Variants in SGCD observed in about 807,000 individuals in gnomAD.
SGCD encodes the protein sarcoglycan delta, also known as delta-sarcoglycan.
Under a neutral mutation model 36.6 loss-of-function variants are expected in SGCD, and 18 were observed. That is an observed-to-expected ratio of 0.49 (90% CI 0.34 to 0.73). The LOEUF is 0.73. SGCD is among the 30% of genes least tolerant of loss of function. The pLI is 0.01. For missense variants in SGCD, 387 were observed against 346.7 expected (o/e 1.12, Z -0.92); for synonymous variants, 133 against 130.6 (o/e 1.02, Z -0.12).
chr5:156,189,084 C>T (rs577634773), intron 3 of SGCD, among the ~76,000 whole-genome samples: 55 of 152,256 alleles, frequency 3.6e-4, no homozygotes, highest in African/African-American at 1.3e-3. Context: ...GGGAAGCTTT[C>T]GCTTGACTCT....
At chr5:156,636,584 G>A (rs1185169458) in intron 6 of SGCD, among the ~76,000 whole-genome samples, 1 of 152,184 alleles carries the variant, frequency 6.6e-6, no homozygotes, top group Non-Finnish European at 1.5e-5. Context: ...GCTTCATGAT[G>A]GAAGTGGCAT....
chr5:155,983,914 C>T (rs925585946), intron 1 of SGCD, among the ~76,000 whole-genome samples: 8 of 152,130 alleles, frequency 5.3e-5, no homozygotes, highest in Non-Finnish European at 1.2e-4. Flanking sequence ...TCCCCCTAAT[C>T]TTGTCCATGG....
chr5:156,738,098 A>G (rs1363832664), intron 7 of SGCD, among the ~76,000 whole-genome samples: 1 of 152,260 alleles, frequency 6.6e-6, no homozygotes, highest in African/African-American at 2.4e-5. Context: ...AGTTAGTTGC[A>G]TGGGTCATTA....
chr5:156,742,503 C>CT (rs5872483), intron 7 of SGCD, among the ~76,000 whole-genome samples: 51,486 of 151,954 alleles, frequency 0.34, 10,732 homozygotes, highest in South Asian at 0.51. Context: ...AAATCACCAT[C>CT]TTCTTCCACC....
intron 4 of SGCD, among the ~76,000 whole-genome samples, chr5:156,545,162 C>T (rs1758517089): frequency 6.6e-6 from 1 of 152,034 alleles, no homozygotes; most frequent in Non-Finnish European, 1.5e-5. Flanking sequence ...AATTAGAAAC[C>T]TTGTAATAAG....
In SGCD at chr5:156,293,064, TC is replaced by T. The variant is rs1411090258; in HGVS notation, c.-43-36469del. 6.6e-4 allele frequency among the ~76,000 whole-genome samples: 101 copies of T among 152,170 alleles called. 2 individuals are homozygous for T. The highest frequency in any genetic ancestry group is 2.4e-3 in the African/African-American group (98 of 41,538). ...CCCATTCTGAGGGTTGCCTTTCTTT[TC>T]TGTTTTTTTTTAGAGGTGGGGTCTT... On this transcript the variant is annotated intron_variant, in intron 3 of 9. Coordinates refer to the SGCD transcript ENST00000517913.
chr5:156,095,990 G>A (rs906430652), intron 1 of SGCD, among the ~76,000 whole-genome samples: 2 of 152,202 alleles, frequency 1.3e-5, no homozygotes, highest in Non-Finnish European at 2.9e-5. Flanking sequence ...GAAGCCCATT[G>A]ACTTCCTCAG....
rs186229341 is a variant in SGCD, at chr5:155,907,555, G to C, written c.-282+37131G>C. Among the ~76,000 whole-genome samples, 11 of 152,182 alleles carry C rather than the reference G, an allele frequency of 7.2e-5. No individual in the cohort carries two copies. In the East Asian group the frequency reaches 2.1e-3, roughly 29 times the overall value. On this transcript the variant is annotated intron_variant, in intron 1 of 9. Coordinates refer to the SGCD transcript ENST00000517913. ...GAAGTTGATTCCAACCCTCATGAATGACTTTGAGGAGTTTAAGACTTCAGA... is the reference window on the plus strand; with the variant it reads ...GAAGTTGATTCCAACCCTCATGAATCACTTTGAGGAGTTTAAGACTTCAGA...
At chr5:156,263,317 A>T (rs1156315606) in intron 3 of SGCD, among the ~76,000 whole-genome samples, 1 of 152,034 alleles carries the variant, frequency 6.6e-6, no homozygotes, top group African/African-American at 2.4e-5. Context: ...GTGGTATCTC[A>T]TTGTGGTTTT....
At chr5:155,935,559 A>G (rs1757177537) in intron 1 of SGCD, among the ~76,000 whole-genome samples, 1 of 152,222 alleles carries the variant, frequency 6.6e-6, no homozygotes, top group African/African-American at 2.4e-5. Context: ...CTAAGTAGTC[A>G]TATCTGATTT....
At chr5:156,097,329 C>T (rs528073465) in intron 1 of SGCD, among the ~76,000 whole-genome samples, 35 of 152,184 alleles carry the variant, frequency 2.3e-4, no homozygotes, top group South Asian at 4.1e-4. Flanking sequence ...AGGAGTTCAA[C>T]GATACAAAAT....
intron 1 of SGCD, among the ~76,000 whole-genome samples, chr5:155,926,428 G>A (rs1317366864): frequency 6.6e-6 from 1 of 151,942 alleles, no homozygotes; most frequent in Non-Finnish European, 1.5e-5. Context: ...GCAAAACAAT[G>A]GTAATGAAAC....
chr5:156,743,167 A>G (rs1291157383), intron 7 of SGCD, among the ~76,000 whole-genome samples: 1 of 139,712 alleles, frequency 7.2e-6, no homozygotes, highest in Non-Finnish European at 1.5e-5. Flanking sequence ...ACTGGAGTGC[A>G]GTGGCACAAT....
At chr5:156,072,070 T>C (rs1020156786) in intron 1 of SGCD, among the ~76,000 whole-genome samples, 6 of 152,212 alleles carry the variant, frequency 3.9e-5, no homozygotes, top group Non-Finnish European at 5.9e-5. Flanking sequence ...CTGATGGGTC[T>C]TGACTCTTTA....
At chr5:156,445,119 C>T (rs1369459026) in intron 3 of SGCD, among the ~76,000 whole-genome samples, 1 of 152,152 alleles carries the variant, frequency 6.6e-6, no homozygotes, top group Non-Finnish European at 1.5e-5. Flanking sequence ...CACTGAGAAG[C>T]CCTAACTTAA....
chr5:156,489,710 A>T (rs1214897179), intron 3 of SGCD, among the ~76,000 whole-genome samples: 1 of 152,098 alleles, frequency 6.6e-6, no homozygotes, highest in African/African-American at 2.4e-5. Flanking sequence ...AACCTATGCG[A>T]TACAGGAAAA....
At chr5:156,740,552 C>A (rs1486809191) in intron 7 of SGCD, among the ~76,000 whole-genome samples, 1 of 152,170 alleles carries the variant, frequency 6.6e-6, no homozygotes, top group African/African-American at 2.4e-5. Flanking sequence ...AATGGGCCCA[C>A]ACAGTGGGCA....
At chr5:156,546,130 A>G (rs1380869447) in intron 4 of SGCD, among the ~76,000 whole-genome samples, 4 of 152,174 alleles carry the variant, frequency 2.6e-5, no homozygotes, top group Non-Finnish European at 5.9e-5. Flanking sequence ...GCAATAAAAA[A>G]CACACCTACT....
intron 1 of SGCD, among the ~76,000 whole-genome samples, chr5:155,963,222 CT>C (rs1757826729): frequency 6.6e-6 from 1 of 152,040 alleles, no homozygotes; most frequent in Non-Finnish European, 1.5e-5. Context: ...CAATAAAAAG[CT>C]TTCTTAACTT....
Sources: allele counts gnomAD v4.1 joint callset (sites outside exome capture counted in the v4.1 genomes callset), GRCh38; gene constraint gnomAD v4.1.1; transcripts MANE v1.5; gene names NCBI Gene and HGNC (gene_info 2026-07-23, HGNC 2026-07-21).